FRAS1: variants seen among roughly 807,000 people sequenced by gnomAD.
The protein encoded by FRAS1 is Fraser extracellular matrix complex subunit 1.
A neutral mutation model predicts 435.2 loss-of-function variants in FRAS1; 290 were observed. The observed-to-expected ratio is 0.67, with a 90% CI of 0.61 to 0.73. The LOEUF (loss-of-function observed/expected upper bound fraction) is 0.73. FRAS1 is among the 30% of genes least tolerant of loss of function. The pLI is 0.00. For synonymous variants in FRAS1, 1,800 were observed against 1,851.0 expected, an observed-to-expected ratio of 0.97 and a Z score of 0.71; for missense variants, 4,860 against 5,001.5, an observed-to-expected ratio of 0.97 and a Z score of 0.85.
At chr4:78,451,918 T>C (rs1719033914) in intron 46 of FRAS1, 27 bp downstream of exon 46, 1 of 1,588,336 alleles carries the variant, frequency 6.3e-7, no homozygotes, top group African/African-American at 1.3e-5. Context: ...TTTTCTAATA[T>C]AAAACTATTT....
rs35385181 is a variant in FRAS1 at position 78,425,100 on chromosome 4, GATAATA to G, written c.4711+706_4711+711del. 4.8e-3 allele frequency among the ~76,000 whole-genome samples: 684 copies of G among 141,894 alleles called. 3 individuals carry two copies. Among genetic ancestry groups the G allele is most frequent in the African/African-American group, 0.015 (576 of 39,312 alleles). 93.1% of individuals were successfully genotyped at this position (141,894 alleles called of 152,430 possible). ...CCTGAATGCCTCATTCTTAAATGGG[GATAATA>G]ATAATAATAATAATAATAATAATAA... On this transcript the variant is annotated intron_variant, in intron 35 of 73. Coordinates refer to ENST00000512123, the MANE Select transcript of FRAS1 (RefSeq NM_025074.7).
intron 14 of FRAS1, among the ~76,000 whole-genome samples, chr4:78,304,754 TTTTC>T (rs1477666775): frequency 6.6e-6 from 1 of 151,826 alleles, no homozygotes; most frequent in South Asian, 2.1e-4. Context: ...ATTCTTCTTT[TTTTC>T]TTTATTAGAA....
rs183140136 is a variant in FRAS1 at position 78,544,266 on chromosome 4, G to T, written c.*3142G>T. ...GTATTAATAAATGACAGTCTTGTTG[G>T]TTTTTTGTTTGTTTTCCTATGTTCT... On this transcript the variant is annotated 3_prime_UTR_variant, in exon 74 of 74. Transcript: ENST00000512123. 3.2e-3 allele frequency: 482 copies of T among 152,278 alleles called. 1 individual carries two copies. Among genetic ancestry groups the T allele is most frequent in the Non-Finnish European group, 5.2e-3 (352 of 68,018 alleles). 9.4% of individuals were successfully genotyped at this position (152,278 alleles called of 1,614,324 possible).
intron 9 of FRAS1, among the ~76,000 whole-genome samples, chr4:78,274,520 G>T (rs960264950): frequency 6.6e-6 from 1 of 152,064 alleles, no homozygotes; most frequent in Non-Finnish European, 1.5e-5. Context: ...TTGTGTCTTT[G>T]TTCTCGTTGG....
chr4:78,262,314 C>T (rs1475189125), intron 6 of FRAS1, among the ~76,000 whole-genome samples: 1 of 152,138 alleles, frequency 6.6e-6, no homozygotes, highest in Non-Finnish European at 1.5e-5. Context: ...ACATACTTCC[C>T]ACTCATGTTT....
At chr4:78,311,675 A>G (rs776394560) in intron 15 of FRAS1, among the ~76,000 whole-genome samples, 1 of 152,236 alleles carries the variant, frequency 6.6e-6, no homozygotes, top group Non-Finnish European at 1.5e-5. Context: ...TGTGCAATCT[A>G]TATTCCCAAG....
chr4:78,362,091 T>G (rs1731091808), intron 20 of FRAS1, among the ~76,000 whole-genome samples: 1 of 152,194 alleles, frequency 6.6e-6, no homozygotes, highest in Admixed American at 6.5e-5. Context: ...ACAAAATAAT[T>G]TGTTTTATAG....
At chr4:78,061,646 T>G (rs1298475505) in intron 1 of FRAS1, among the ~76,000 whole-genome samples, 1 of 152,228 alleles carries the variant, frequency 6.6e-6, no homozygotes, top group African/African-American at 2.4e-5. Flanking sequence ...GTTGTTTCAC[T>G]GAGAGACTCT....
chr4:78,066,030 T>C lies in FRAS1; in HGVS notation c.108+14T>C. ...TCCTTGTTGGCGGTAGGTCATTCTT[T>C]ACATACTTGGTTTCTGTCATTTGAA... On this transcript the variant is annotated intron_variant, in intron 2 of 73. Coordinates refer to ENST00000512123, the MANE Select transcript of FRAS1 (RefSeq NM_025074.7). 2 of 1,587,194 alleles carry C rather than the reference T, an allele frequency of 1.3e-6. No homozygotes were observed. The highest frequency in any genetic ancestry group is 1.7e-6 in the Non-Finnish European group (2 of 1,156,816).
Position 78,085,541 on chromosome 4 carries a change from C to G in FRAS1, c.108+19525C>G, listed in dbSNP as rs187838311. On this transcript the variant is annotated intron_variant, in intron 2 of 73. Transcript: ENST00000512123. ...CAGCAGTTTTGAATATCTGGAAGAT[C>G]TTTTCCCTGTGTCCTCAACCCTGTC... Among the ~76,000 whole-genome samples the G allele has an allele frequency of 1.8e-3, 269 of 152,220 alleles. 1 individual carries two copies. The highest frequency in any genetic ancestry group is 6.2e-3 in the African/African-American group (258 of 41,560).
At chr4:78,191,063 C>CG (rs1722510760) in intron 2 of FRAS1, among the ~76,000 whole-genome samples, 1 of 152,156 alleles carries the variant, frequency 6.6e-6, no homozygotes, top group South Asian at 2.1e-4. Context: ...ATCTGCAAGC[C>CG]GGGAAGACTC....
intron 2 of FRAS1, among the ~76,000 whole-genome samples, chr4:78,195,606 C>G (rs1283578569): frequency 6.6e-6 from 1 of 152,182 alleles, no homozygotes; most frequent in Non-Finnish European, 1.5e-5. Flanking sequence ...GTGCCATTTG[C>G]TATGATCCTT....
rs139569028 is a variant in FRAS1 at position 78,372,617 on chromosome 4, T to C, written c.2870-101T>C. The C allele has an allele frequency of 3.0e-4, 429 of 1,421,002 alleles. 5 individuals carry two copies. The African/African-American group carries it at 3.3e-3, about 11-fold the overall frequency. 88.0% of individuals were successfully genotyped at this position (1,421,002 alleles called of 1,614,324 possible). The stretch of plus-strand genomic sequence containing the variant: ...TATCTGACATCTCTTACGTTGTCCT[T>C]ATTTTACTCCTTGCAGCTGCAGACA... On this transcript the variant is annotated intron_variant, in intron 23 of 73. Coordinates refer to ENST00000512123, the MANE Select transcript of FRAS1 (RefSeq NM_025074.7).
chr4:78,058,456 T>TA (rs1234635492), intron 1 of FRAS1, among the ~76,000 whole-genome samples: 1 of 152,110 alleles, frequency 6.6e-6, no homozygotes, highest in Non-Finnish European at 1.5e-5. Context: ...CAATTGCTCT[T>TA]ACCTGTTTAA....
At chr4:78,114,677 T>G (rs1452627972) in intron 2 of FRAS1, among the ~76,000 whole-genome samples, 1 of 152,260 alleles carries the variant, frequency 6.6e-6, no homozygotes, top group Non-Finnish European at 1.5e-5. Flanking sequence ...CACATTGATT[T>G]TGTATCCTAA....
Position 78,499,879 on chromosome 4 carries a change from G to A in FRAS1, c.9274G>A (p.Val3092Met). ...STRDGSAQSG[V>M]DYYPKSRVLK... ...GCGGGATGGCTCTGCCCAGTCTGGT[G>A]TGGATTATTACCCAAAGAGCCGAGT... The change falls in exon 61 of 74, where the codon GTG becomes ATG. Residue 3092 changes from valine to methionine, a missense_variant. Physicochemically the swap from Val to Met is conservative, Grantham distance 21. Transcript: ENST00000512123. 1 of 1,599,688 alleles carries A rather than the reference G, an allele frequency of 6.3e-7. No individual in the cohort carries two copies.
chr4:78,205,191 C>CT lies in FRAS1; in HGVS notation c.109-32304dup, dbSNP rs33943058. On this transcript the variant is annotated intron_variant, in intron 2 of 73. Coordinates refer to ENST00000512123, the MANE Select transcript of FRAS1 (RefSeq NM_025074.7). The stretch of plus-strand genomic sequence containing the variant: ...TGGATTCTTCCTCTTTCTTTCCTTC[C>CT]TTTTTTTTTTTTTTTGTTTTGTTTT... 8.3e-3 allele frequency among the ~76,000 whole-genome samples: 1,156 copies of CT among 138,902 alleles called. 9 individuals are homozygous for CT. The highest frequency in any genetic ancestry group is 0.021 in the African/African-American group (781 of 37,858). 91.1% of individuals were successfully genotyped at this position (138,902 alleles called of 152,430 possible). A position where few individuals can be genotyped will look rare whatever the true frequency, so the allele number is the denominator to read the frequency against.
At chr4:78,498,689 C>T (rs1720583194) in intron 60 of FRAS1, among the ~76,000 whole-genome samples, 1 of 151,944 alleles carries the variant, frequency 6.6e-6, no homozygotes, top group African/African-American at 2.4e-5. Context: ...CTGCCATATT[C>T]TATGATATAC....
chr4:78,461,041 T>C (rs1025253829), intron 47 of FRAS1, among the ~76,000 whole-genome samples: 29 of 152,370 alleles, frequency 1.9e-4, no homozygotes, highest in African/African-American at 6.3e-4. Flanking sequence ...ACTCAGGTTC[T>C]AGATGCAACT....
Sources: allele counts gnomAD v4.1 joint callset (sites outside exome capture counted in the v4.1 genomes callset), GRCh38; gene constraint gnomAD v4.1.1; transcripts MANE v1.5; gene names NCBI Gene and HGNC (gene_info 2026-07-23, HGNC 2026-07-21).